Variants in DOCK3 observed in about 807,000 individuals in gnomAD.
DOCK3 encodes the protein dedicator of cytokinesis protein 3.
A neutral mutation model predicts 265.6 loss-of-function variants in DOCK3; 60 were observed. The observed-to-expected ratio is 0.23, with a 90% CI of 0.18 to 0.28. The LOEUF is 0.28. DOCK3 is among the 10% of genes least tolerant of loss of function. The pLI is 1.00. For synonymous variants in DOCK3, 881 were observed against 938.0 expected (o/e 0.94, Z 1.11); for missense variants, 1,981 against 2,594.3 (o/e 0.76, Z 5.14).
intron 5 of DOCK3, among the ~76,000 whole-genome samples, chr3:51,019,784 T>C (rs1336824144): frequency 6.6e-6 from 1 of 151,954 alleles, no homozygotes; most frequent in Non-Finnish European, 1.5e-5. Flanking sequence ...ACTCCATTCA[T>C]GTCCCTGCAG....
Position 50,934,071 on chromosome 3 carries a change from G to T in DOCK3, c.309G>T (p.Leu103Phe). ...LQEWASLWKQ[L>F]YVKHKVDLFY... ...AATGGGCAAGTTTGTGGAAACAGTT[G>T]TATGTGGTAAGTAGTTGATTACTGG... is the stretch of plus-strand genomic sequence containing the variant. The change falls in exon 5 of 53, where the codon TTG (leucine) becomes TTT (phenylalanine). Residue 103 changes from leucine (L) to phenylalanine (F), a missense_variant. Leu to Phe is a conservative substitution (Grantham distance 22). This residue lies in a region of DOCK3 where 456 missense variants were observed against 539.0 expected (regional missense o/e 0.85). Coordinates refer to ENST00000266037, the MANE Select transcript of DOCK3 (RefSeq NM_004947.5). The T allele has an allele frequency of 1.9e-6, 3 of 1,606,552 alleles. No homozygotes were observed. The highest frequency in any genetic ancestry group is 2.6e-6 in the Non-Finnish European group (3 of 1,175,564).
At position 51,090,321 on chromosome 3, in the gene DOCK3, C is replaced by T. The variant is rs753659222; in HGVS notation, c.683C>T (p.Thr228Ile). 1 of 1,604,404 alleles carries T rather than the reference C, an allele frequency of 6.2e-7. No individual in the cohort carries two copies. Among genetic ancestry groups the T allele is most frequent in the African/African-American group, 1.3e-5 (1 of 74,826 alleles). The stretch of plus-strand genomic sequence containing the variant: ...AGCCTGAAGAGTTTCACTTACAATA[C>T]TATTGGGGAAGATACCGATGTCTTC... ...FLSLKSFTYN[T>I]IGEDTDVFFS... Residue 228 changes from threonine (T) to isoleucine (I), a missense_variant, in exon 9 of 53, where the codon ACT becomes ATT. Physicochemically the swap from Thr to Ile is moderately conservative, Grantham distance 89 (BLOSUM62 -1). Around this residue, in one of 4 missense-constraint regions of DOCK3, gnomAD observed 456 missense variants for 539.0 expected, o/e 0.85. Transcript: ENST00000266037.
At chr3:51,265,560 A>T (rs1226466199) in intron 23 of DOCK3, among the ~76,000 whole-genome samples, 1 of 152,242 alleles carries the variant, frequency 6.6e-6, no homozygotes, top group Admixed American at 6.5e-5. Flanking sequence ...ACAAAAAAAT[A>T]AATGTAATCC....
At chr3:50,751,341 G>A (rs967520895) in intron 1 of DOCK3, among the ~76,000 whole-genome samples, 2 of 151,802 alleles carry the variant, frequency 1.3e-5, no homozygotes, top group African/African-American at 4.8e-5. Context: ...TGCCATGGTG[G>A]TTTGCTGTAC....
chr3:50,754,860 G>A (rs1413126404), intron 1 of DOCK3, among the ~76,000 whole-genome samples: 3 of 152,004 alleles, frequency 2.0e-5, no homozygotes, highest in Admixed American at 2.0e-4. Flanking sequence ...CTCCCAGCCC[G>A]TTTTCACTTT....
intron 12 of DOCK3, among the ~76,000 whole-genome samples, chr3:51,187,424 C>G (rs538528981): frequency 6.6e-6 from 1 of 152,324 alleles, no homozygotes; most frequent in South Asian, 2.1e-4. Flanking sequence ...GTGGAAGGGA[C>G]TTGCTTTGGC....
intron 8 of DOCK3, among the ~76,000 whole-genome samples, chr3:51,089,541 G>T (rs1365648685): frequency 6.6e-6 from 1 of 152,140 alleles, no homozygotes; most frequent in East Asian, 1.9e-4. Flanking sequence ...ATTTAGAATG[G>T]TAACTATTAC....
At chr3:51,233,351 TATC>T (rs1278271359) in intron 19 of DOCK3, among the ~76,000 whole-genome samples, 2,982 of 35,562 alleles carry the variant, frequency 0.084, 107 homozygotes, top group African/African-American at 0.19. Context: ...TCTATCTATC[TATC>T]TATCTATTTA....
In DOCK3 at chr3:51,313,834, C is replaced by T. The variant is rs536018945; in HGVS notation, c.3253+932C>T. Among the ~76,000 whole-genome samples the T allele has an allele frequency of 8.5e-5, 13 of 152,294 alleles. No homozygotes were observed. The East Asian group carries it at 2.3e-3, about 27-fold the overall frequency. On this transcript the variant is annotated intron_variant, in intron 31 of 52. Transcript: ENST00000266037. ...ACACTCTGGTTCCCTGTATCCAGCA[C>T]AGTTTGGAAATGGATTTTAACCCAA... is the stretch of plus-strand genomic sequence containing the variant.
chr3:50,992,717 C>T (rs1429751048), intron 5 of DOCK3, among the ~76,000 whole-genome samples: 1 of 152,082 alleles, frequency 6.6e-6, no homozygotes, highest in Admixed American at 6.6e-5. Flanking sequence ...TACCACTACC[C>T]CACAGAAATA....
intron 6 of DOCK3, among the ~76,000 whole-genome samples, chr3:51,069,483 G>T (rs1236711623): frequency 2.4e-5 from 1 of 42,506 alleles, no homozygotes; most frequent in African/African-American, 5.5e-5. Context: ...AAATACCTAA[G>T]AAATATTTTA....
At chr3:51,228,131 C>G in intron 17 of DOCK3, 43 bp downstream of exon 17, 1 of 1,585,156 alleles carries the variant, frequency 6.3e-7, no homozygotes, top group Non-Finnish European at 8.7e-7. Context: ...CTTACCTGCC[C>G]TGAGGCCACT....
chr3:51,300,597 G>GT (rs948148892), intron 27 of DOCK3, among the ~76,000 whole-genome samples: 2 of 152,246 alleles, frequency 1.3e-5, no homozygotes, highest in African/African-American at 2.4e-5. Flanking sequence ...TTTATTGAGA[G>GT]TTTTTTATCA....
chr3:50,683,224 T>TTACAGA (rs2034535938), intron 1 of DOCK3, among the ~76,000 whole-genome samples: 1 of 152,248 alleles, frequency 6.6e-6, no homozygotes, highest in Admixed American at 6.5e-5. Context: ...GTGATTGATA[T>TTACAGA]TAAACAGAAA....
rs999623897 is a variant in DOCK3 at position 50,882,624 on chromosome 3, T to G, written c.163-7402T>G. Among the ~76,000 whole-genome samples the G allele has an allele frequency of 2.0e-5, 3 of 151,880 alleles. 1 individual carries two copies. The highest frequency in any genetic ancestry group is 2.0e-4 in the Admixed American group (3 of 15,240). On this transcript the variant is annotated intron_variant, in intron 3 of 52. Transcript: ENST00000266037. ...TTAAAAAGTCAGGAAACAACAGGTA[T>G]TGGAGAAGTTGTGGAGAAATAGGAG... is the stretch of plus-strand genomic sequence containing the variant.
At chr3:50,718,988 G>GT (rs2037304687) in intron 1 of DOCK3, among the ~76,000 whole-genome samples, 1 of 151,732 alleles carries the variant, frequency 6.6e-6, no homozygotes, top group African/African-American at 2.4e-5. Context: ...GTTTCACTGT[G>GT]TTAGCCAGGA....
At chr3:51,348,812 A>C (rs2085769225) in intron 38 of DOCK3, 40 bp from the exon 39 acceptor site, 1 of 1,540,824 alleles carries the variant, frequency 6.5e-7, no homozygotes, top group African/African-American at 1.4e-5. Flanking sequence ...GGCTATTCTG[A>C]AGATGAGATG....
At chr3:50,713,760 A>T (rs1428706944) in intron 1 of DOCK3, among the ~76,000 whole-genome samples, 1 of 151,910 alleles carries the variant, frequency 6.6e-6, no homozygotes, top group Non-Finnish European at 1.5e-5. Flanking sequence ...ACATGTCTAG[A>T]TGGAGATCAT....
intron 1 of DOCK3, among the ~76,000 whole-genome samples, chr3:50,683,548 A>T (rs1436873347): frequency 6.6e-6 from 1 of 152,174 alleles, no homozygotes; most frequent in African/African-American, 2.4e-5. Context: ...ACATTTTATG[A>T]TAGTGCCAGC....
Sources: gnomAD v4.1 joint callset for allele counts (sites outside exome capture counted in the v4.1 genomes callset) on GRCh38, gnomAD v4.1.1 for gene constraint, gnomAD v4.1.1 regional missense constraint, MANE v1.5 for transcripts, NCBI Gene and HGNC (gene_info 2026-07-23, HGNC 2026-07-21) for gene names.